C1orf167: variants seen among roughly 807,000 people sequenced by gnomAD.
The protein encoded by C1orf167 is uncharacterized protein C1orf167.
A neutral mutation model predicts 176.5 loss-of-function variants in C1orf167; 153 were observed. That is an observed-to-expected ratio of 0.87 (90% confidence interval 0.76 to 0.99). C1orf167 has a LOEUF of 0.99. Ranked by LOEUF, C1orf167 falls within the 50% of genes least tolerant of loss-of-function variation. C1orf167 has a pLI of 0.00. For synonymous variants in C1orf167, 594 were observed against 752.7 expected (o/e 0.79, Z 3.45); for missense variants, 1,490 against 1,817.7 (o/e 0.82, Z 3.28).
In C1orf167 at chr1:11,766,299, G is replaced by T; in HGVS notation, c.513G>T (p.Leu171=). 2 of 1,289,418 alleles carry T rather than the reference G, an allele frequency of 1.6e-6. No individual in the cohort carries two copies. The highest frequency in any genetic ancestry group is 2.0e-6 in the Non-Finnish European group (2 of 988,718). The allele number at this position is 1,289,418 out of a possible 1,614,324, so 79.9% of individuals were successfully genotyped here. Residue 171 remains leucine, a synonymous_variant, in exon 3 of 21, where the codon CTG becomes CTT. Coordinates refer to ENST00000688073, the MANE Select transcript of C1orf167 (RefSeq NM_001010881.2). This position sits in a 1 kb window ranked among gnomAD's most constrained non-coding sequence, Gnocchi z 4.5. ...RPSSCLRQSG[L]PAPGTPSGDF... ...CTTCCTGCCTGAGGCAGTCCGGGCT[G>T]CCGGCCCCAGGCACCCCTAGCGGGG...
intron 8 of C1orf167, 27 bp from the exon 9 acceptor site, chr1:11,775,408 A>G (rs1231261682): frequency 1.6e-6 from 2 of 1,270,868 alleles, no homozygotes; most frequent in African/African-American, 1.5e-5. Context: ...TGCAATTGAC[A>G]TGGGTACTTT....
chr1:11,782,039 A>C, intron 13 of C1orf167, 150 bp from the exon 14 acceptor site: 1 of 503,780 alleles, frequency 2.0e-6, no homozygotes, highest in Non-Finnish European at 2.8e-6. Flanking sequence ...CACCAGCAGG[A>C]CACCCATAAT....
intron 1 of C1orf167, among the ~76,000 whole-genome samples, chr1:11,763,304 G>A (rs1326306135): frequency 1.3e-5 from 2 of 152,158 alleles, no homozygotes. Context: ...AGTCTGGCGT[G>A]GTGGCATGTG....
Position 11,788,758 on chromosome 1 carries a change from C to T in C1orf167, c.4173+12C>T. The T allele has an allele frequency of 1.5e-6, 2 of 1,303,562 alleles. No individual in the cohort carries two copies. The highest frequency in any genetic ancestry group is 2.0e-6 in the Non-Finnish European group (2 of 988,428). 80.7% of individuals were successfully genotyped at this position (1,303,562 alleles called of 1,614,324 possible). ...CAGCAGGAAGATGGGTGGGTCCTTT[C>T]CCAGGTACTGCCCTCTTCCCTGCAT... On this transcript the variant is annotated intron_variant, in intron 20 of 20. Coordinates refer to ENST00000688073, the MANE Select transcript of C1orf167 (RefSeq NM_001010881.2).
chr1:11,784,093 G>T, intron 14 of C1orf167, 81 bp from the exon 15 acceptor site: 1 of 1,169,684 alleles, frequency 8.5e-7, no homozygotes, highest in Non-Finnish European at 1.1e-6. Flanking sequence ...GACTTCAGGT[G>T]ATCCACTCAC....
intron 8 of C1orf167, among the ~76,000 whole-genome samples, chr1:11,775,058 C>T (rs1643244469): frequency 6.6e-6 from 1 of 152,022 alleles, no homozygotes; most frequent in South Asian, 2.1e-4. Flanking sequence ...GCCAAGACGG[C>T]CGGATCACTT....
At chr1:11,789,240 A>G (rs1644005670) in intron 20 of C1orf167, 30 bp from the exon 21 acceptor site, 3 of 1,301,612 alleles carry the variant, frequency 2.3e-6, no homozygotes, top group African/African-American at 1.5e-5. Context: ...AGCCCACAAC[A>G]ATAGCATTTC....
chr1:11,767,521 C>T (rs1048296586), intron 4 of C1orf167, among the ~76,000 whole-genome samples: 42 of 152,148 alleles, frequency 2.8e-4, no homozygotes, highest in South Asian at 6.2e-4. Context: ...CCTGGGTTTT[C>T]GGCAAACAGG....
intron 9 of C1orf167, 126 bp from the exon 10 acceptor site, chr1:11,776,338 G>T: frequency 1.2e-6 from 1 of 829,712 alleles, no homozygotes; most frequent in Non-Finnish European, 1.6e-6. Flanking sequence ...GGGAGGGCTT[G>T]GAAGCGGTGG....
chr1:11,764,602 C>T (rs1336068693), intron 2 of C1orf167, 132 bp downstream of exon 2: 12 of 703,676 alleles, frequency 1.7e-5, no homozygotes, highest in Admixed American at 1.1e-4. Context: ...CACCCACGGT[C>T]GGCTGGACAT....
At position 11,775,541 on chromosome 1, in the gene C1orf167, C is replaced by T. The variant is rs754293409; in HGVS notation, c.2095C>T (p.Arg699Trp). 35 of 1,304,066 alleles carry T rather than the reference C, an allele frequency of 2.7e-5. No homozygotes were observed. Among genetic ancestry groups the T allele is most frequent in the Admixed American group, 1.1e-4 (5 of 43,532 alleles). 80.8% of individuals were successfully genotyped at this position (1,304,066 alleles called of 1,614,324 possible). ...TLRKCLEQWV[R>W]MKQLRESDGA... is the part of the protein sequence containing the mutation. ...GAGGAAATGCCTGGAACAGTGGGTG[C>T]GGATGAAGCAGCTCCGGGAATCAGA... The change falls in exon 9 of 21, where the codon CGG becomes TGG. Residue 699 changes from arginine (R) to tryptophan (W), a missense_variant. By Grantham distance (101) the Arg-to-Trp change is moderately radical. Transcript: ENST00000688073.
At chr1:11,778,587 G>C (rs1643439275) in intron 10 of C1orf167, 73 bp from the exon 11 acceptor site, 1 of 1,203,784 alleles carries the variant, frequency 8.3e-7, no homozygotes, top group Admixed American at 2.8e-5. Context: ...CCAGGGTAGG[G>C]TAGCCCCTGC....
chr1:11,766,547 TCAGGTGC>T lies in C1orf167; in HGVS notation c.766_772del (p.Cys256LeufsTer67), dbSNP rs747641166. 1.1e-4 allele frequency: 142 copies of T among 1,245,636 alleles called. No homozygotes were observed. Among genetic ancestry groups the T allele is most frequent in the Non-Finnish European group, 1.4e-4 (134 of 966,086 alleles). 77.2% of individuals were successfully genotyped at this position (1,245,636 alleles called of 1,614,324 possible). A position where few individuals can be genotyped will look rare whatever the true frequency, so the allele number is the denominator to read the frequency against. On this transcript the variant is annotated frameshift_variant, in exon 3 of 21. Coordinates refer to ENST00000688073, the MANE Select transcript of C1orf167 (RefSeq NM_001010881.2). LOFTEE classifies it high-confidence loss of function. This position sits in a 1 kb window ranked among gnomAD's most constrained non-coding sequence, Gnocchi z 4.5. ...TGCCTGGCGCAGGAGGCAGCCCGAC[TCAGGTGC>T]CAGGCTCCCCAGGAACCCCCCGGTG...
At chr1:11,782,428 A>G in intron 14 of C1orf167, 95 bp downstream of exon 14, 2 of 1,110,652 alleles carry the variant, frequency 1.8e-6, no homozygotes, top group Non-Finnish European at 2.3e-6. Context: ...ACGGTGGCCC[A>G]GATAGGAGGC....
At position 11,779,709 on chromosome 1, in the gene C1orf167, G is replaced by A. The variant is rs1042777265; in HGVS notation, c.2652-93G>A. The A allele has an allele frequency of 1.9e-5, 19 of 985,516 alleles. No individual in the cohort carries two copies. The African/African-American group carries it at 3.2e-4, about 17-fold the overall frequency. 61.0% of individuals were successfully genotyped at this position (985,516 alleles called of 1,614,324 possible). A position where few individuals can be genotyped will look rare whatever the true frequency, so the allele number is the denominator to read the frequency against. ...GAAGAGTCACCCAGAGCCTCCTGCTGCTGGGGAGAGGAAGAGAAAGGAGGG... is the reference window on the plus strand; with the variant it reads ...GAAGAGTCACCCAGAGCCTCCTGCTACTGGGGAGAGGAAGAGAAAGGAGGG... On this transcript the variant is annotated intron_variant, in intron 12 of 20. Transcript: ENST00000688073.
Position 11,788,236 on chromosome 1 carries a change from C to T in C1orf167, c.3936C>T (p.Gly1312=). 3.8e-6 allele frequency: 5 copies of T among 1,303,796 alleles called. No homozygotes were observed. Among genetic ancestry groups the T allele is most frequent in the Non-Finnish European group, 5.1e-6 (5 of 988,556 alleles). The allele number at this position is 1,303,796 out of a possible 1,614,324, so 80.8% of individuals were successfully genotyped here. ...CCCTGAAGGGTCACGATGCTCTTGG[C>T]CATCAGGAGGAAGTACCTGCAGCGC... is the stretch of plus-strand genomic sequence containing the variant. The part of the protein sequence containing the change: ...LLALKGHDAL[G]HQEEVPAAPV... The change falls in exon 19 of 21, where the codon GGC becomes GGT. Residue 1312 remains glycine, a synonymous_variant. Coordinates refer to ENST00000688073, the MANE Select transcript of C1orf167 (RefSeq NM_001010881.2).
chr1:11,781,309 C>T (rs2004445), intron 13 of C1orf167, among the ~76,000 whole-genome samples: 85,904 of 151,936 alleles, frequency 0.57, 25,352 homozygotes, highest in East Asian at 0.77. Flanking sequence ...CAACCAGTCT[C>T]TTTATAACCT....
At chr1:11,777,700 A>T (rs72640208) in intron 10 of C1orf167, 16,824 of 150,746 alleles carry the variant, frequency 0.11, 1,024 homozygotes, top group South Asian at 0.19. Flanking sequence ...CATGGTCCAC[A>T]TGGACCCTCA....
Position 11,766,602 on chromosome 1 carries a change from C to A in C1orf167, c.816C>A (p.Thr272=). 7.8e-7 allele frequency: 1 copy of A among 1,274,534 alleles called. No individual in the cohort carries two copies. Among genetic ancestry groups the A allele is most frequent in the Non-Finnish European group, 1.0e-6 (1 of 980,526 alleles). The allele number at this position is 1,274,534 out of a possible 1,614,324, so 79.0% of individuals were successfully genotyped here. Residue 272 remains threonine (T), a synonymous_variant, in exon 3 of 21, where the codon ACC becomes ACA. Coordinates refer to ENST00000688073, the MANE Select transcript of C1orf167 (RefSeq NM_001010881.2). This position sits in a 1 kb window ranked among gnomAD's most constrained non-coding sequence, Gnocchi z 4.5. ...GTGCTGTGCAGCAGGACCTCTGGAC[C>A]GGCGGCGGCCAGCCATTCTCCGCCC... ...PPGAVQQDLW[T]GGGQPFSAHP... is the part of the protein sequence containing the mutation.
Sources: allele counts gnomAD v4.1 joint callset (sites outside exome capture counted in the v4.1 genomes callset), GRCh38; gene constraint gnomAD v4.1.1; non-coding constraint Gnocchi (gnomAD v3.1); transcripts MANE v1.5; gene names NCBI Gene and HGNC (gene_info 2026-07-23, HGNC 2026-07-21).